TRMT1L: variants seen among roughly 807,000 people sequenced by gnomAD.
The protein encoded by TRMT1L is tRNA (guanine(27)-N(2))-dimethyltransferase.
In TRMT1L, 28 loss-of-function variants were observed where a neutral mutation model predicts 81.6. The observed-to-expected ratio is 0.34, with a 90% CI of 0.25 to 0.47. TRMT1L has a LOEUF of 0.47. Ranked by LOEUF, TRMT1L falls within the 20% of genes least tolerant of loss-of-function variation. The probability of loss-of-function intolerance (pLI) is 1.00; values close to 1 mark genes in which losing one functional copy is unlikely to be tolerated. For synonymous variants in TRMT1L, 301 were observed against 303.2 expected, an observed-to-expected ratio of 0.99 and a Z score of 0.07; for missense variants, 739 against 877.1, an observed-to-expected ratio of 0.84 and a Z score of 1.99.
chr1:185,121,937 C>A (rs969811686), intron 13 of TRMT1L, among the ~76,000 whole-genome samples: 2 of 151,926 alleles, frequency 1.3e-5, no homozygotes, highest in African/African-American at 2.4e-5. Flanking sequence ...CAGGCCACAT[C>A]CCATCCCTCC....
intron 9 of TRMT1L, among the ~76,000 whole-genome samples, 157 bp downstream of exon 9, chr1:185,139,210 C>G (rs1422914557): frequency 6.6e-6 from 1 of 152,066 alleles, no homozygotes; most frequent in East Asian, 1.9e-4. Flanking sequence ...AATAAAATTA[C>G]AACAGATACC....
At chr1:185,122,502 C>A (rs1286493701) in intron 13 of TRMT1L, among the ~76,000 whole-genome samples, 1 of 152,106 alleles carries the variant, frequency 6.6e-6, no homozygotes, top group Non-Finnish European at 1.5e-5. Context: ...CCCACTTCAG[C>A]CTCCTGAGTA....
At chr1:185,121,870 C>T (rs1438985582) in intron 13 of TRMT1L, among the ~76,000 whole-genome samples, 1 of 151,608 alleles carries the variant, frequency 6.6e-6, no homozygotes, top group Admixed American at 6.6e-5. Flanking sequence ...GTTTGGGGTC[C>T]TAACAACCCC....
rs1335567425 is a variant in TRMT1L at position 185,124,929 on chromosome 1, C to G, written c.1759+15G>C. The G allele has an allele frequency of 6.3e-7, 1 of 1,599,408 alleles. No homozygotes were observed. Among genetic ancestry groups the G allele is most frequent in the South Asian group, 1.1e-5 (1 of 87,896 alleles). On this transcript the variant is annotated intron_variant, in intron 12 of 14. Transcript: ENST00000367506. ...AAGCAGTTTAAAGCTAGTAAGCTAG[C>G]GTTCAGTTAGTCACCTTGCTTGTTG... is the stretch of plus-strand genomic sequence containing the variant.
intron 10 of TRMT1L, among the ~76,000 whole-genome samples, chr1:185,133,102 C>T (rs1176324775): frequency 1.3e-5 from 2 of 152,032 alleles, no homozygotes; most frequent in Admixed American, 6.5e-5. Flanking sequence ...GAAAATGTAG[C>T]AAAGAGTTTA....
intron 1 of TRMT1L, among the ~76,000 whole-genome samples, chr1:185,154,534 C>T (rs1653442346): frequency 6.6e-6 from 1 of 152,198 alleles, no homozygotes; most frequent in Admixed American, 6.5e-5. Flanking sequence ...TACAAACTAA[C>T]CTATCTAATT....
chr1:185,147,932 A>G (rs1352956854), intron 3 of TRMT1L, among the ~76,000 whole-genome samples: 2 of 152,186 alleles, frequency 1.3e-5, no homozygotes, highest in Non-Finnish European at 2.9e-5. Context: ...ACTTGTCAAG[A>G]CTAAACTGGT....
chr1:185,156,548 T>C lies in TRMT1L; in HGVS notation c.165A>G (p.Pro55=). Reference sequence around the variant, plus strand: ...CCGGAGCCTGGGCCAGGGCAGGGGCTGGGGCTGGAGCCGAGGCCGGAGTCG... The same window carrying C: ...CCGGAGCCTGGGCCAGGGCAGGGGCCGGGGCTGGAGCCGAGGCCGGAGTCG... The part of the protein sequence containing the change: ...SAPTPASAPA[P]APALAQAPAL... Residue 55 remains proline, a synonymous_variant, in exon 1 of 15, where the codon CCA becomes CCG. Coordinates refer to ENST00000367506, the MANE Select transcript of TRMT1L (RefSeq NM_030934.5). 2.5e-6 allele frequency: 4 copies of C among 1,608,654 alleles called. No homozygotes were observed. The highest frequency in any genetic ancestry group is 1.1e-5 in the South Asian group (1 of 90,700).
intron 9 of TRMT1L, 152 bp from the exon 10 acceptor site, chr1:185,137,948 A>G (rs1357874709): frequency 4.5e-6 from 3 of 660,062 alleles, no homozygotes; most frequent in Non-Finnish European, 7.2e-6. Flanking sequence ...TTAAAAGATC[A>G]TTACTGTAAC....
chr1:185,128,628 A>G (rs1652693732), intron 11 of TRMT1L, 41 bp downstream of exon 11: 2 of 1,555,516 alleles, frequency 1.3e-6, no homozygotes, highest in Admixed American at 1.7e-5. Flanking sequence ...AAATCAATCA[A>G]TACATCAAAT....
At chr1:185,140,969 CA>C (rs538571932) in intron 7 of TRMT1L, among the ~76,000 whole-genome samples, 212 of 88,856 alleles carry the variant, frequency 2.4e-3, no homozygotes, top group Middle Eastern at 6.9e-3. Flanking sequence ...GACCCTATCT[CA>C]AAAAAAAAAA....
At chr1:185,136,556 AATCACAGT>A (rs1479045403) in intron 10 of TRMT1L, among the ~76,000 whole-genome samples, 3 of 152,228 alleles carry the variant, frequency 2.0e-5, no homozygotes, top group Non-Finnish European at 4.4e-5. Flanking sequence ...AAGCTTCAAA[AATCACAGT>A]ATCTATTCTC....
rs138480040 is a variant in TRMT1L at position 185,143,977 on chromosome 1, T to A, written c.708A>T (p.Val236=). 2 of 1,611,186 alleles carry A rather than the reference T, an allele frequency of 1.2e-6. No individual in the cohort carries two copies. The highest frequency in any genetic ancestry group is 2.7e-5 in the African/African-American group (2 of 74,966). Residue 236 remains valine, a synonymous_variant, in exon 6 of 15, where the codon GTA becomes GTT. Coordinates refer to ENST00000367506, the MANE Select transcript of TRMT1L (RefSeq NM_030934.5). The part of the protein sequence containing the change: ...KEILKEADTD[V]QVCPNYSIPQ... ...GTATAGAATAGTTGGGACAAACTTG[T>A]ACATCCGTGTCTGCCTCTTTCAAAA...
rs970202629 is a variant in TRMT1L at position 185,119,839 on chromosome 1, A to C, written c.*180T>G. ...TTAAGTTTGCCTTAAAACAAAAAAA[A>C]ACTTGGAAAGCAAAGCTCCCAAACC... On this transcript the variant is annotated 3_prime_UTR_variant, in exon 15 of 15. Coordinates refer to ENST00000367506, the MANE Select transcript of TRMT1L (RefSeq NM_030934.5). 1 of 710,426 alleles carries C rather than the reference A, an allele frequency of 1.4e-6. No homozygotes were observed. The highest frequency in any genetic ancestry group is 1.8e-5 in the African/African-American group (1 of 56,034). The allele number at this position is 710,426 out of a possible 1,614,324, so 44.0% of individuals were successfully genotyped here.
Position 185,151,823 on chromosome 1 carries a change from A to G in TRMT1L, c.346+2T>C. On this transcript the variant is annotated splice_donor_variant, in intron 2 of 14. Coordinates refer to ENST00000367506, the MANE Select transcript of TRMT1L (RefSeq NM_030934.5). LOFTEE classifies it high-confidence loss of function. ...AAAAAAAAAACCCAAACATGGAAAT[A>G]CCTGCATCAAGATTATCTGAGTTCA... is the stretch of plus-strand genomic sequence containing the variant. 2 of 1,554,398 alleles carry G rather than the reference A, an allele frequency of 1.3e-6. No homozygotes were observed. Among genetic ancestry groups the G allele is most frequent in the East Asian group, 2.3e-5 (1 of 43,280 alleles).
At chr1:185,136,082 T>C (rs1045311275) in intron 10 of TRMT1L, among the ~76,000 whole-genome samples, 1 of 152,162 alleles carries the variant, frequency 6.6e-6, no homozygotes, top group Admixed American at 6.6e-5. Flanking sequence ...ATGATATGTA[T>C]TGTAGATGAA....
chr1:185,135,601 A>G (rs1430413276), intron 10 of TRMT1L, among the ~76,000 whole-genome samples: 1 of 152,056 alleles, frequency 6.6e-6, no homozygotes, highest in African/African-American at 2.4e-5. Flanking sequence ...TATGTAAATA[A>G]AACAGAAATG....
chr1:185,144,021 C>T lies in TRMT1L; in HGVS notation c.664G>A (p.Ala222Thr). Reference protein sequence around the residue: ...TKSSYIAASTAKPPKEILKEA... With the variant: ...TKSSYIAASTTKPPKEILKEA... ...TTCAAAATTTCCTTAGGTGGTTTAG[C>T]AGTGGAAGCTAAGATGGAAAAAAGA... Residue 222 changes from alanine to threonine, a missense_variant, in exon 6 of 15, where the codon GCT becomes ACT. Physicochemically the swap from Ala to Thr is moderately conservative, Grantham distance 58 (BLOSUM62 0). Coordinates refer to ENST00000367506, the MANE Select transcript of TRMT1L (RefSeq NM_030934.5). The T allele has an allele frequency of 6.3e-7, 1 of 1,593,728 alleles. No individual in the cohort carries two copies. The highest frequency in any genetic ancestry group is 8.5e-7 in the Non-Finnish European group (1 of 1,169,728).
chr1:185,132,518 C>CAAAA (rs919045927), intron 10 of TRMT1L, among the ~76,000 whole-genome samples: 11 of 131,996 alleles, frequency 8.3e-5, no homozygotes, highest in African/African-American at 2.9e-4. Flanking sequence ...TACTCCACCT[C>CAAAA]AAAAAAAAAA....
Sources: allele counts gnomAD v4.1 joint callset (sites outside exome capture counted in the v4.1 genomes callset), GRCh38; gene constraint gnomAD v4.1.1; transcripts MANE v1.5; gene names NCBI Gene and HGNC (gene_info 2026-07-23, HGNC 2026-07-21).